Variants in ATP8B3 observed in about 807,000 individuals in gnomAD.
The protein encoded by ATP8B3 is phospholipid-transporting ATPase IK.
Under a neutral mutation model 140.9 loss-of-function variants are expected in ATP8B3, and 141 were observed. The ratio of observed to expected loss-of-function variants is 1.00; its 90% confidence interval spans 0.87 to 1.15. The LOEUF (loss-of-function observed/expected upper bound fraction) is 1.15. Among genes scored for constraint, ATP8B3 ranks in the 50% most tolerant of loss-of-function variants. The pLI, the probability that ATP8B3 is intolerant of heterozygous loss-of-function variation, is 0.00. For synonymous variants in ATP8B3, 765 were observed against 714.6 expected (o/e 1.07, Z -1.13); for missense variants, 1,874 against 1,740.6 (o/e 1.08, Z -1.36).
At chr19:1,789,216 C>G (rs1317694735) in intron 23 of ATP8B3, 96 bp from the exon 24 acceptor site, 5 of 860,342 alleles carry the variant, frequency 5.8e-6, no homozygotes, top group East Asian at 3.1e-5. Context: ...TCAGCCCCCC[C>G]CATCTGCTTC....
rs966186571 is a variant in ATP8B3, at chr19:1,794,918, C to G, written c.2055+957G>C. The stretch of plus-strand genomic sequence containing the variant: ...GCAGACGGAGCTGAGTGTGTCCTGG[C>G]AGCTGGGCCAGCTCAACCGCACGGT... On this transcript the variant is annotated intron_variant, in intron 18 of 28. Coordinates refer to ENST00000310127, the MANE Select transcript of ATP8B3 (RefSeq NM_138813.4). The surrounding 1 kb of genome is among the most constrained non-coding windows in gnomAD (Gnocchi z 4.8). 2.6e-5 allele frequency among the ~76,000 whole-genome samples: 4 copies of G among 152,338 alleles called. No homozygotes were observed. Among genetic ancestry groups the G allele is most frequent in the Non-Finnish European group, 5.9e-5 (4 of 68,028 alleles).
intron 25 of ATP8B3, 29 bp from the exon 26 acceptor site, chr19:1,785,737 G>T (rs7252201): frequency 0.059 from 78,310 of 1,321,300 alleles, 2,788 homozygotes; most frequent in African/African-American, 0.17. Context: ...TCTTGGGATT[G>T]GGTGGGGGGC....
intron 25 of ATP8B3, among the ~76,000 whole-genome samples, chr19:1,786,472 A>G (rs927042152): frequency 4.6e-5 from 7 of 151,888 alleles, no homozygotes; most frequent in African/African-American, 1.7e-4. Flanking sequence ...AGGCTGAGGC[A>G]GGAGAATCGC....
chr19:1,799,772 A>C (rs1198807223), intron 14 of ATP8B3, 175 bp downstream of exon 14: 12 of 670,010 alleles, frequency 1.8e-5, no homozygotes, highest in Admixed American at 2.9e-5. Flanking sequence ...CTCAAAAAAA[A>C]AAAAAAATTT....
rs568693665 is a variant in ATP8B3, at chr19:1,805,716, G to A, written c.821+172C>T. ...AATGGAAACAATGGGGAGGGTGGGC[G>A]TCTTCCTCCCCTCAGTGCCTGGCAG... is the stretch of plus-strand genomic sequence containing the variant. On this transcript the variant is annotated intron_variant, in intron 9 of 28. Transcript: ENST00000310127. This position sits in a 1 kb window ranked among gnomAD's most constrained non-coding sequence, Gnocchi z 5.2. 1.3e-3 allele frequency among the ~76,000 whole-genome samples: 203 copies of A among 152,176 alleles called. No individual in the cohort carries two copies. Among genetic ancestry groups the A allele is most frequent in the African/African-American group, 4.5e-3 (186 of 41,564 alleles).
intron 5 of ATP8B3, among the ~76,000 whole-genome samples, 182 bp downstream of exon 5, chr19:1,808,038 CTT>C (rs1165139802): frequency 2.0e-5 from 3 of 152,258 alleles, no homozygotes; most frequent in Admixed American, 2.0e-4. Flanking sequence ...ATCCATCCAC[CTT>C]TGTCATTCAA....
Position 1,787,137 on chromosome 19 carries a change from G to T in ATP8B3, c.3119C>A (p.Thr1040Asn), listed in dbSNP as rs375351496. 2.5e-6 allele frequency: 4 copies of T among 1,610,598 alleles called. No individual in the cohort carries two copies. The highest frequency in any genetic ancestry group is 3.4e-6 in the Non-Finnish European group (4 of 1,178,390). The change falls in exon 25 of 29, where the codon ACC becomes AAC. Residue 1040 changes from threonine to asparagine, a missense_variant. Physicochemically the swap from Thr to Asn is moderately conservative, Grantham distance 65. Coordinates refer to ENST00000310127, the MANE Select transcript of ATP8B3 (RefSeq NM_138813.4). ...GAGCCCAATGTAGAGAACTGGCAGGGTGCTGTACAGGAGGTTGAAAAGAGC... is the reference window on the plus strand; with the variant it reads ...GAGCCCAATGTAGAGAACTGGCAGGTTGCTGTACAGGAGGTTGAAAAGAGC... ...FLALFNLLYSTLPVLYIGLFE... is the reference protein window; with the variant it reads ...FLALFNLLYSNLPVLYIGLFE...
In ATP8B3 at chr19:1,789,745, G is replaced by A. The variant is rs928623169; in HGVS notation, c.2479-18C>T. The A allele has an allele frequency of 1.3e-6, 2 of 1,543,284 alleles. No individual in the cohort carries two copies. Among genetic ancestry groups the A allele is most frequent in the South Asian group, 1.2e-5 (1 of 80,418 alleles). On this transcript the variant is annotated intron_variant, in intron 22 of 28. Coordinates refer to ENST00000310127, the MANE Select transcript of ATP8B3 (RefSeq NM_138813.4). ...AGTTTGTCCTGGCCGGCGGGGAGGG[G>A]GCTGTGCCAGGCGCCGTGGCCTCCA...
In ATP8B3 at chr19:1,788,909, G is replaced by A. The variant is rs757933383; in HGVS notation, c.3057C>T (p.Gly1019=). The A allele has an allele frequency of 1.3e-5, 20 of 1,594,846 alleles. No homozygotes were observed. In the Admixed American group the frequency reaches 2.1e-4, roughly 17 times the overall value. Residue 1019 remains glycine, a synonymous_variant, in exon 24 of 29, where the codon GGC becomes GGT. Coordinates refer to ENST00000310127, the MANE Select transcript of ATP8B3 (RefSeq NM_138813.4). ...MVQVWFACYN[G]FTGQPLYEGW... ...GTGGGGGACGCACCTGGCCGGTGAAGCCGTTGTAGCAGGCAAACCAGACCT... is the reference window on the plus strand; with the variant it reads ...GTGGGGGACGCACCTGGCCGGTGAAACCGTTGTAGCAGGCAAACCAGACCT...
In ATP8B3 at chr19:1,782,963, T is replaced by A; in HGVS notation, c.*65A>T. On this transcript the variant is annotated 3_prime_UTR_variant, in exon 29 of 29. Coordinates refer to ENST00000310127, the MANE Select transcript of ATP8B3 (RefSeq NM_138813.4). ...AGGTGTAGGGGGGAGCTGTACTTCC[T>A]GGGAGGACACCTGCCCCTGTGGCTG... 2 of 1,542,888 alleles carry A rather than the reference T, an allele frequency of 1.3e-6. No individual in the cohort carries two copies. The highest frequency in any genetic ancestry group is 3.9e-5 in the Admixed American group (2 of 51,034).
chr19:1,791,735 C>T lies in ATP8B3; in HGVS notation c.2302+15G>A. On this transcript the variant is annotated intron_variant, in intron 20 of 28. Transcript: ENST00000310127. ...GCTGCAGGGGCTTAGCCACCCGGAG[C>T]TGCCCGGGACTCACCCTGCTTGTCC... 2 of 1,596,828 alleles carry T rather than the reference C, an allele frequency of 1.3e-6. No homozygotes were observed. The highest frequency in any genetic ancestry group is 8.6e-7 in the Non-Finnish European group (1 of 1,167,878).
At chr19:1,802,750 C>T in intron 10 of ATP8B3, 105 bp from the exon 11 acceptor site, 1 of 1,370,616 alleles carries the variant, frequency 7.3e-7, no homozygotes, top group Non-Finnish European at 9.9e-7. Flanking sequence ...TCACGAGCCC[C>T]TCTGTGCCCC....
Position 1,783,037 on chromosome 19 carries a change from C to T in ATP8B3, c.3894G>A (p.Glu1298=). ...SDEEAASSPK[E]SQ ...ACATCTTCCTGAGGTGTCACTGTGA[C>T]TCTTTTGGGCTCGAAGCTGCCTCTT... The change falls in exon 29 of 29, where the codon GAG becomes GAA. Residue 1298 remains glutamate, a synonymous_variant. Coordinates refer to ENST00000310127, the MANE Select transcript of ATP8B3 (RefSeq NM_138813.4). The T allele has an allele frequency of 1.9e-6, 3 of 1,606,336 alleles. No homozygotes were observed. The highest frequency in any genetic ancestry group is 2.5e-6 in the Non-Finnish European group (3 of 1,176,698).
chr19:1,792,192 G>A (rs1463587042), intron 18 of ATP8B3, 57 bp from the exon 19 acceptor site: 16 of 1,487,770 alleles, frequency 1.1e-5, no homozygotes, highest in Non-Finnish European at 1.3e-5. Flanking sequence ...CCGAGGCTCA[G>A]CCCTCCCCAA....
chr19:1,784,800 A>G lies in ATP8B3; in HGVS notation c.3660+19T>C. On this transcript the variant is annotated intron_variant, in intron 28 of 28. Transcript: ENST00000310127. ...CTGGAATGTACCAGATGAGGACCCCAGGCCCAGGCCCACCTCACCTTGGCA... is the reference window on the plus strand; with the variant it reads ...CTGGAATGTACCAGATGAGGACCCCGGGCCCAGGCCCACCTCACCTTGGCA... The G allele has an allele frequency of 6.3e-7, 1 of 1,582,744 alleles. No individual in the cohort carries two copies. Among genetic ancestry groups the G allele is most frequent in the Non-Finnish European group, 8.6e-7 (1 of 1,165,182 alleles).
In ATP8B3 at chr19:1,800,969, C is replaced by T. The variant is rs2068829613; in HGVS notation, c.1153-520G>A. ...TCAGCCTCCCGAGTAGCTGGGACTA[C>T]AGGCGCCCGCCACCACGCCCGGCTA... On this transcript the variant is annotated intron_variant, in intron 12 of 28. Coordinates refer to ENST00000310127, the MANE Select transcript of ATP8B3 (RefSeq NM_138813.4). This position sits in a 1 kb window ranked among gnomAD's most constrained non-coding sequence, Gnocchi z 4.4. Among the ~76,000 whole-genome samples the T allele has an allele frequency of 6.6e-6, 1 of 151,076 alleles. No homozygotes were observed. The highest frequency in any genetic ancestry group is 2.4e-5 in the African/African-American group (1 of 41,160).
Position 1,785,146 on chromosome 19 carries a change from C to A in ATP8B3, c.3532+13G>T. 6.5e-7 allele frequency: 1 copy of A among 1,549,084 alleles called. No homozygotes were observed. Among genetic ancestry groups the A allele is most frequent in the Non-Finnish European group, 8.7e-7 (1 of 1,148,402 alleles). Reference sequence around the variant, plus strand: ...ACCACGACCGCCCGTCCCACTTCCCCATGGGGGCTCACACAGAAACGGGAA... The same window carrying A: ...ACCACGACCGCCCGTCCCACTTCCCAATGGGGGCTCACACAGAAACGGGAA... On this transcript the variant is annotated intron_variant, in intron 27 of 28. Coordinates refer to ENST00000310127, the MANE Select transcript of ATP8B3 (RefSeq NM_138813.4).
At chr19:1,810,926 T>A (rs1014305485) in intron 2 of ATP8B3, among the ~76,000 whole-genome samples, 3 of 151,962 alleles carry the variant, frequency 2.0e-5, no homozygotes, top group Non-Finnish European at 1.5e-5. Flanking sequence ...TCTGCCAGTG[T>A]CCCCCGCCAG....
intron 28 of ATP8B3, among the ~76,000 whole-genome samples, 157 bp downstream of exon 28, chr19:1,784,662 G>A (rs924916151): frequency 6.6e-6 from 1 of 152,186 alleles, no homozygotes; most frequent in Non-Finnish European, 1.5e-5. Flanking sequence ...GGCACTGGGC[G>A]TGTGTCCGGG....
Sources: allele counts gnomAD v4.1 joint callset (sites outside exome capture counted in the v4.1 genomes callset), GRCh38; gene constraint gnomAD v4.1.1; non-coding constraint Gnocchi (gnomAD v3.1); transcripts MANE v1.5; gene names NCBI Gene and HGNC (gene_info 2026-07-23, HGNC 2026-07-21).